PTPRN2: variants seen among roughly 807,000 people sequenced by gnomAD.
The protein encoded by PTPRN2 is receptor-type tyrosine-protein phosphatase N2.
In PTPRN2, 74 loss-of-function variants were observed where a neutral mutation model predicts 118.8. That is an observed-to-expected ratio of 0.62 (90% confidence interval 0.52 to 0.76). The LOEUF is 0.76. PTPRN2 is among the 30% of genes least tolerant of loss of function. The pLI is 0.00. For missense variants in PTPRN2, 1,481 were observed against 1,394.4 expected, an observed-to-expected ratio of 1.06 and a Z score of -0.99; for synonymous variants, 641 against 608.0, an observed-to-expected ratio of 1.05 and a Z score of -0.80.
At chr7:157,828,194 C>T in intron 12 of PTPRN2, among the ~76,000 whole-genome samples, 1 of 152,236 alleles carries the variant, frequency 6.6e-6, no homozygotes, top group East Asian at 1.9e-4. Context: ...GGTCCTCATG[C>T]TTCTCTGAGC....
intron 4 of PTPRN2, among the ~76,000 whole-genome samples, chr7:158,198,468 C>A (rs1826389051): frequency 6.6e-6 from 1 of 152,210 alleles, no homozygotes; most frequent in Non-Finnish European, 1.5e-5. Flanking sequence ...TAGATTGTCA[C>A]CCAGTTTGTT....
At chr7:158,192,033 C>T (rs892960073) in intron 5 of PTPRN2, among the ~76,000 whole-genome samples, 11 of 152,200 alleles carry the variant, frequency 7.2e-5, no homozygotes, top group African/African-American at 2.7e-4. Flanking sequence ...CTCTACCTCC[C>T]TGGTGTGCAT....
At chr7:158,227,266 C>T (rs1211664225) in intron 3 of PTPRN2, among the ~76,000 whole-genome samples, 1 of 152,018 alleles carries the variant, frequency 6.6e-6, no homozygotes, top group East Asian at 1.9e-4. Context: ...ACAATAAAGA[C>T]AGACAGCCCA....
chr7:158,136,090 G>A (rs1818784837), intron 8 of PTPRN2, among the ~76,000 whole-genome samples: 1 of 152,262 alleles, frequency 6.6e-6, no homozygotes, highest in Non-Finnish European at 1.5e-5. Flanking sequence ...GGGGGCTCTG[G>A]GATGGTGGAC....
chr7:158,501,736 G>A (rs1241863324), intron 1 of PTPRN2, among the ~76,000 whole-genome samples: 2 of 152,198 alleles, frequency 1.3e-5, no homozygotes, highest in Non-Finnish European at 2.9e-5. Context: ...CACCAAGGAG[G>A]CCAACGCGTG....
rs1256326657 is a variant in PTPRN2, at chr7:158,015,016, T to C, written c.1723+66282A>G. Among the ~76,000 whole-genome samples, 2 of 152,264 alleles carry C rather than the reference T, an allele frequency of 1.3e-5. No homozygotes were observed. The highest frequency in any genetic ancestry group is 2.4e-5 in the African/African-American group (1 of 41,476). On this transcript the variant is annotated intron_variant, in intron 11 of 22. Transcript: ENST00000389418. This position sits in a 1 kb window ranked among gnomAD's most constrained non-coding sequence, Gnocchi z 4.2. ...GAATAAGAACTTCTCCTGAATATCA[T>C]CTTTTCCCTTTTTGCTCTCTCATTT...
chr7:158,133,941 G>A lies in PTPRN2; in HGVS notation c.1292C>T (p.Pro431Leu). The A allele has an allele frequency of 6.2e-7, 1 of 1,614,048 alleles. No homozygotes were observed. Among genetic ancestry groups the A allele is most frequent in the Non-Finnish European group, 8.5e-7 (1 of 1,180,044 alleles). Residue 431 changes from proline to leucine, a missense_variant, in exon 9 of 23, where the codon CCT (proline) becomes CTT (leucine). By Grantham distance (98) the Pro-to-Leu change is moderately conservative. Around this residue, in one of 3 missense-constraint regions of PTPRN2, gnomAD observed 1,115 missense variants for 994.2 expected, o/e 1.12. Coordinates refer to ENST00000389418, the MANE Select transcript of PTPRN2 (RefSeq NM_002847.5). ...CTCTTCTGAAGACAGGGAAGACTCA[G>A]GGTGCTCGGACTTCTTCCTCTCCAT... ...LDMERKKSEH[P>L]ESSLSSEEET...
chr7:158,076,748 T>C (rs772803696), intron 11 of PTPRN2, among the ~76,000 whole-genome samples: 5 of 152,150 alleles, frequency 3.3e-5, no homozygotes. Context: ...AGCTTCTCTG[T>C]GGAGCCTCAT....
chr7:157,964,648 C>T lies in PTPRN2; in HGVS notation c.1724-65911G>A, dbSNP rs1801781126. Among the ~76,000 whole-genome samples, 1 of 152,232 alleles carries T rather than the reference C, an allele frequency of 6.6e-6. No homozygotes were observed. The highest frequency in any genetic ancestry group is 1.5e-5 in the Non-Finnish European group (1 of 68,046). On this transcript the variant is annotated intron_variant, in intron 11 of 22. Coordinates refer to ENST00000389418, the MANE Select transcript of PTPRN2 (RefSeq NM_002847.5). The surrounding 1 kb of genome is among the most constrained non-coding windows in gnomAD (Gnocchi z 9.0). ...CCATTAACACCCTGTGATGGCCTTA[C>T]TTGGCGTGTGGAGCTGTGACCACCA...
intron 3 of PTPRN2, among the ~76,000 whole-genome samples, chr7:158,222,509 T>C (rs1222540717): frequency 1.3e-5 from 2 of 152,062 alleles, no homozygotes; most frequent in African/African-American, 2.4e-5. Flanking sequence ...CACTTATAAG[T>C]GGAAACTAAA....
intron 5 of PTPRN2, among the ~76,000 whole-genome samples, chr7:158,188,209 G>C (rs1825364592): frequency 1.6e-5 from 1 of 62,214 alleles, no homozygotes; most frequent in Admixed American, 2.0e-4. Context: ...CGCCACGCTC[G>C]CCGCCTGATG....
intron 1 of PTPRN2, among the ~76,000 whole-genome samples, chr7:158,578,282 CTTTT>C (rs35928034): frequency 7.0e-6 from 1 of 143,438 alleles, no homozygotes. Context: ...TTTAAGTCAC[CTTTT>C]TTTTTTTTTG....
chr7:158,084,065 C>G (rs1415087291), intron 10 of PTPRN2, among the ~76,000 whole-genome samples: 1 of 152,192 alleles, frequency 6.6e-6, no homozygotes, highest in Non-Finnish European at 1.5e-5. Flanking sequence ...TCGAGTGTGG[C>G]AAGGCCCACA....
At chr7:158,415,085 AGCTACTTCTCTGATGATACAAC>A (rs1360139128) in intron 2 of PTPRN2, among the ~76,000 whole-genome samples, 42 of 151,460 alleles carry the variant, frequency 2.8e-4, no homozygotes, top group African/African-American at 4.1e-4. Context: ...TGATACAACC[AGCTACTTCTCTGATGATACAAC>A]CAGCTACTTC....
At chr7:157,747,954 G>GCT (rs1801107851) in intron 12 of PTPRN2, among the ~76,000 whole-genome samples, 1 of 145,228 alleles carries the variant, frequency 6.9e-6, no homozygotes, top group Non-Finnish European at 1.5e-5. Context: ...GTGTCCCTGA[G>GCT]CTGCAGGCTG....
chr7:158,502,430 G>A (rs920767490), intron 1 of PTPRN2, among the ~76,000 whole-genome samples: 1 of 152,236 alleles, frequency 6.6e-6, no homozygotes, highest in Non-Finnish European at 1.5e-5. Context: ...AAACAAGACA[G>A]GTGCCCACCA....
In PTPRN2 at chr7:157,757,437, G is replaced by C. The variant is rs962932515; in HGVS notation, c.1789-74500C>G. On this transcript the variant is annotated intron_variant, in intron 12 of 22. Coordinates refer to ENST00000389418, the MANE Select transcript of PTPRN2 (RefSeq NM_002847.5). ...CTGAGGCAGGAGTGCTGGAGCTCTC[G>C]GCGGCCGGTGGGGACAAGGAGGACC... Among the ~76,000 whole-genome samples, 3 of 152,256 alleles carry C rather than the reference G, an allele frequency of 2.0e-5. No homozygotes were observed. In the South Asian group the frequency reaches 6.2e-4, roughly 32 times the overall value.
intron 1 of PTPRN2, among the ~76,000 whole-genome samples, chr7:158,531,538 G>A (rs1214307617): frequency 2.0e-5 from 3 of 152,248 alleles, no homozygotes. Context: ...AAGGCACCAT[G>A]AGGCCTCCTC....
intron 2 of PTPRN2, among the ~76,000 whole-genome samples, chr7:158,400,429 G>C (rs1420996978): frequency 6.6e-6 from 1 of 152,042 alleles, no homozygotes; most frequent in Admixed American, 6.5e-5. Context: ...TGGACAGAAA[G>C]CCTCCTGACA....
Sources: gnomAD v4.1 joint callset for allele counts (sites outside exome capture counted in the v4.1 genomes callset) on GRCh38, gnomAD v4.1.1 for gene constraint, gnomAD v4.1.1 regional missense constraint, Gnocchi (gnomAD v3.1) non-coding constraint, MANE v1.5 for transcripts, NCBI Gene and HGNC (gene_info 2026-07-23, HGNC 2026-07-21) for gene names.